The following EIF1AX variants were observed in gnomAD, a reference collection of about 807,000 sequenced individuals.
EIF1AX encodes eukaryotic translation initiation factor 1A, X-chromosomal.
EIF1AX carries 1 observed loss-of-function variant against 16.1 expected under a neutral mutation model. That is an observed-to-expected ratio of 0.06 (90% CI 0.02 to 0.30). The LOEUF (loss-of-function observed/expected upper bound fraction) is 0.30. Among genes scored for constraint, EIF1AX ranks in the 10% least tolerant of loss-of-function variants. The probability of loss-of-function intolerance (pLI) is 1.00; values close to 1 mark genes in which losing one functional copy is unlikely to be tolerated. For missense variants in EIF1AX, 11 were observed against 109.1 expected (o/e 0.10, Z 4.00); for synonymous variants, 32 against 37.3 (o/e 0.86, Z 0.51).
intron 4 of EIF1AX, 97 bp from the exon 5 acceptor site, chrX:20,132,360 C>T (rs1488340276): frequency 7.5e-6 from 4 of 535,034 alleles, no homozygotes; most frequent in Non-Finnish European, 1.2e-5. Flanking sequence ...CAAATCTCAC[C>T]GTTTTACTAT....
At chrX:20,128,408 T>A in intron 6 of EIF1AX, 97 bp from the exon 7 acceptor site, 1 of 692,281 alleles carries the variant, frequency 1.4e-6, no homozygotes, top group South Asian at 3.5e-5. Context: ...CCTTAGGCTA[T>A]GTGAGAAACA....
chrX:20,133,701 TA>T (rs750499990), intron 4 of EIF1AX, among the ~76,000 whole-genome samples: 77 of 111,636 alleles, frequency 6.9e-4, no homozygotes, highest in Non-Finnish European at 7.5e-4. Context: ...TTTAGATTTA[TA>T]GCACATACCT....
At position 20,130,504 on chromosome X, in the gene EIF1AX, A is replaced by G. The variant is rs760872753; in HGVS notation, c.429+12T>C. 16 of 1,181,620 alleles carry G rather than the reference A, an allele frequency of 1.4e-5. No individual in the cohort carries two copies. Among genetic ancestry groups the G allele is most frequent in the Non-Finnish European group, 1.8e-5 (16 of 882,382 alleles). ...TAACAAAAATTGGAAAACACAAGGTACATCTACTTACGTCATCAATATCTT... is the reference window on the plus strand; with the variant it reads ...TAACAAAAATTGGAAAACACAAGGTGCATCTACTTACGTCATCAATATCTT... On this transcript the variant is annotated intron_variant, in intron 6 of 6. Transcript: ENST00000379607.
intron 2 of EIF1AX, among the ~76,000 whole-genome samples, chrX:20,137,861 T>C (rs1257818255): frequency 1.8e-5 from 2 of 110,695 alleles, no homozygotes. Context: ...CTGTCAACCA[T>C]AGCTCAATTC....
intron 3 of EIF1AX, among the ~76,000 whole-genome samples, chrX:20,135,051 TA>T (rs765582969): frequency 1.9e-4 from 21 of 111,066 alleles, no homozygotes; most frequent in Non-Finnish European, 3.6e-4. Flanking sequence ...CTACTCCATT[TA>T]ACTGTCAGGT....
chrX:20,129,725 T>C (rs1354958580), intron 6 of EIF1AX, among the ~76,000 whole-genome samples: 2 of 112,189 alleles, frequency 1.8e-5, no homozygotes, highest in African/African-American at 6.5e-5. Flanking sequence ...AATACCATAA[T>C]TGGCAATAGG....
At chrX:20,139,209 C>T (rs760512767) in intron 1 of EIF1AX, among the ~76,000 whole-genome samples, 7 of 111,478 alleles carry the variant, frequency 6.3e-5, no homozygotes, top group South Asian at 3.7e-4. Flanking sequence ...GGCAACATAG[C>T]GAGACACTGT....
intron 6 of EIF1AX, among the ~76,000 whole-genome samples, chrX:20,129,184 A>G (rs1338566628): frequency 8.0e-5 from 9 of 112,034 alleles, no homozygotes. Context: ...TAAAATGTCT[A>G]TAATATTAGT....
intron 6 of EIF1AX, among the ~76,000 whole-genome samples, chrX:20,128,526 A>G (rs1569172716): frequency 1.8e-5 from 2 of 112,141 alleles, no homozygotes; most frequent in East Asian, 5.5e-4. Flanking sequence ...AATAAAATTT[A>G]CTGTCTCCTT....
chrX:20,135,540 T>C (rs1429402701), intron 3 of EIF1AX, among the ~76,000 whole-genome samples, 198 bp downstream of exon 3: 1 of 112,100 alleles, frequency 8.9e-6, no homozygotes, highest in East Asian at 2.8e-4. Flanking sequence ...ATACAAGTGA[T>C]ACAAATGCTT....
At chrX:20,135,867 T>A in intron 2 of EIF1AX, 26 bp from the exon 3 acceptor site, 2 of 1,074,735 alleles carry the variant, frequency 1.9e-6, no homozygotes, top group Non-Finnish European at 2.6e-6. Flanking sequence ...GAAAAGGGTA[T>A]GGAATATTGT....
chrX:20,133,952 T>C lies in EIF1AX; in HGVS notation c.255+5A>G, dbSNP rs1459610544. On this transcript the variant is annotated splice_donor_5th_base_variant and intron_variant, in intron 4 of 6. Coordinates refer to ENST00000379607, the MANE Select transcript of EIF1AX (RefSeq NM_001412.4). ...AAATAGGAAAAATTTACATGTAAAT[T>C]TTACCTGGTAGTCTCGGAGACCAAC... is the stretch of plus-strand genomic sequence containing the variant. 1 of 1,185,379 alleles carries C rather than the reference T, an allele frequency of 8.4e-7. No individual in the cohort carries two copies. The highest frequency in any genetic ancestry group is 1.1e-6 in the Non-Finnish European group (1 of 882,308).
intron 6 of EIF1AX, among the ~76,000 whole-genome samples, chrX:20,129,911 C>G (rs1403265719): frequency 8.9e-6 from 1 of 112,401 alleles, no homozygotes; most frequent in Non-Finnish European, 1.9e-5. Context: ...TTTAGAGACT[C>G]TTAATTAAAC....
At chrX:20,129,698 C>G (rs1007777085) in intron 6 of EIF1AX, among the ~76,000 whole-genome samples, 2 of 112,194 alleles carry the variant, frequency 1.8e-5, no homozygotes, top group Non-Finnish European at 1.9e-5. Context: ...GCCAACAGTA[C>G]ACACCCAACA....
chrX:20,129,069 T>C (rs2066993542), intron 6 of EIF1AX, among the ~76,000 whole-genome samples: 2 of 111,330 alleles, frequency 1.8e-5, no homozygotes, highest in African/African-American at 6.5e-5. Flanking sequence ...GTCAAAATAT[T>C]AGTAACAGTT....
intron 1 of EIF1AX, chrX:20,140,508 G>A (rs1016106064): frequency 1.2e-4 from 14 of 112,033 alleles, no homozygotes; most frequent in African/African-American, 4.5e-4. Flanking sequence ...AATGAGCAGT[G>A]ACTGCACCAA....
At chrX:20,140,404 A>C (rs1002852292) in intron 1 of EIF1AX, 3 of 112,389 alleles carry the variant, frequency 2.7e-5, no homozygotes, top group Non-Finnish European at 5.6e-5. Context: ...GATGGAAGTG[A>C]TCCCCTTACC....
In EIF1AX at chrX:20,127,748, G is replaced by C. The variant is rs2066989659; in HGVS notation, c.*558C>G. The stretch of plus-strand genomic sequence containing the variant: ...TCTTTTTTTTTTTTTTTATGTTTAC[G>C]GTGGCAAAATACGACTATGAAAAGA... On this transcript the variant is annotated 3_prime_UTR_variant, in exon 7 of 7. Coordinates refer to ENST00000379607, the MANE Select transcript of EIF1AX (RefSeq NM_001412.4). 6.6e-6 allele frequency: 1 copy of C among 150,422 alleles called. No homozygotes were observed. The highest frequency in any genetic ancestry group is 1.3e-5 in the Non-Finnish European group (1 of 76,987). 12.4% of individuals were successfully genotyped at this position (150,422 alleles called of 1,213,427 possible). A position where few individuals can be genotyped will look rare whatever the true frequency, so the allele number is the denominator to read the frequency against.
At chrX:20,129,297 A>G (rs951074497) in intron 6 of EIF1AX, among the ~76,000 whole-genome samples, 2 of 111,697 alleles carry the variant, frequency 1.8e-5, no homozygotes, top group Non-Finnish European at 3.8e-5. Flanking sequence ...TTATTTATGT[A>G]GAGACAAAGT....
Sources: allele counts gnomAD v4.1 joint callset (sites outside exome capture counted in the v4.1 genomes callset), GRCh38; gene constraint gnomAD v4.1.1; transcripts MANE v1.5; gene names NCBI Gene and HGNC (gene_info 2026-07-23, HGNC 2026-07-21).